Variants in ICOS observed in about 807,000 individuals in gnomAD.
ICOS encodes inducible T-cell costimulator.
A neutral mutation model predicts 24.6 loss-of-function variants in ICOS; 15 were observed. That is an observed-to-expected ratio of 0.61 (90% CI 0.41 to 0.94). ICOS has a LOEUF of 0.94. Ranked by LOEUF, ICOS falls within the 40% of genes least tolerant of loss-of-function variation. ICOS has a pLI of 0.00. For missense variants in ICOS, 200 were observed against 233.0 expected, an observed-to-expected ratio of 0.86 and a Z score of 0.92; for synonymous variants, 89 against 77.5, an observed-to-expected ratio of 1.15 and a Z score of -0.78.
chr2:203,945,155 G>A (rs919637480), intron 1 of ICOS, among the ~76,000 whole-genome samples: 3 of 152,104 alleles, frequency 2.0e-5, no homozygotes, highest in Non-Finnish European at 2.9e-5. Flanking sequence ...ACATAATTTT[G>A]GGAGCAGCAT....
At chr2:203,950,901 A>G (rs1689958774) in intron 1 of ICOS, among the ~76,000 whole-genome samples, 1 of 144,622 alleles carries the variant, frequency 6.9e-6, no homozygotes, top group Non-Finnish European at 1.5e-5. Context: ...CTCTACTAAA[A>G]ATACAAAAAT....
intron 1 of ICOS, among the ~76,000 whole-genome samples, chr2:203,940,700 A>G (rs985021508): frequency 2.0e-5 from 3 of 151,440 alleles, no homozygotes; most frequent in African/African-American, 7.3e-5. Context: ...CATAATCTTG[A>G]AAGCTATTTA....
intron 1 of ICOS, among the ~76,000 whole-genome samples, chr2:203,937,640 GA>G (rs1689681111): frequency 1.3e-5 from 2 of 151,968 alleles, no homozygotes; most frequent in Admixed American, 1.3e-4. Flanking sequence ...TTGAAAAAAG[GA>G]AAGTTAAGTA....
chr2:203,941,114 TA>T (rs1274819172), intron 1 of ICOS, among the ~76,000 whole-genome samples: 4 of 152,120 alleles, frequency 2.6e-5, no homozygotes, highest in Admixed American at 6.5e-5. Flanking sequence ...AATTTATTAT[TA>T]TTTTTTTTAA....
intron 1 of ICOS, among the ~76,000 whole-genome samples, chr2:203,951,948 C>T (rs766241310): frequency 2.0e-5 from 3 of 152,006 alleles, no homozygotes; most frequent in Non-Finnish European, 2.9e-5. Context: ...TTTTCTTTGC[C>T]TCTGGATAAT....
Position 203,959,669 on chromosome 2 carries a change from T to G in ICOS, c.*70T>G, listed in dbSNP as rs970446044. On this transcript the variant is annotated 3_prime_UTR_variant, in exon 5 of 5. Coordinates refer to ENST00000316386, the MANE Select transcript of ICOS (RefSeq NM_012092.4). ...CCTCAACTTGAAGTGCAAGATTCTC[T>G]TATTTCCGGGACCACGGAGAGTCTG... 2.5e-5 allele frequency: 36 copies of G among 1,429,874 alleles called. No individual in the cohort carries two copies. The highest frequency in any genetic ancestry group is 5.0e-5 in the Admixed American group (3 of 59,736). The allele number at this position is 1,429,874 out of a possible 1,614,324, so 88.6% of individuals were successfully genotyped here. A position where few individuals can be genotyped will look rare whatever the true frequency, so the allele number is the denominator to read the frequency against.
At chr2:203,958,742 G>T (rs540039922) in intron 4 of ICOS, among the ~76,000 whole-genome samples, 13 of 151,756 alleles carry the variant, frequency 8.6e-5, no homozygotes, top group East Asian at 1.9e-4. Flanking sequence ...GATGCTCAAA[G>T]TGTTCAGTGA....
intron 1 of ICOS, among the ~76,000 whole-genome samples, chr2:203,954,370 G>A (rs1385244346): frequency 1.3e-5 from 2 of 152,144 alleles, no homozygotes; most frequent in Non-Finnish European, 2.9e-5. Context: ...AGGATTGCTT[G>A]AGGCCAGGAG....
intron 1 of ICOS, among the ~76,000 whole-genome samples, chr2:203,951,141 G>A (rs530996963): frequency 9.9e-5 from 15 of 152,070 alleles, no homozygotes; most frequent in South Asian, 2.1e-4. Flanking sequence ...CTCTCAACAT[G>A]CCATTCAAGA....
At chr2:203,936,936 A>C in intron 1 of ICOS, 64 bp downstream of exon 1, 1 of 1,315,166 alleles carries the variant, frequency 7.6e-7, no homozygotes, top group Non-Finnish European at 1.1e-6. Flanking sequence ...GAAAAAGCAA[A>C]GGTAGAAAAA....
intron 1 of ICOS, among the ~76,000 whole-genome samples, chr2:203,950,077 T>C (rs1395352390): frequency 1.3e-5 from 2 of 152,276 alleles, no homozygotes; most frequent in African/African-American, 4.8e-5. Context: ...AATTTGTCAT[T>C]TGAGCATTGT....
intron 2 of ICOS, 38 bp from the exon 3 acceptor site, chr2:203,956,621 C>A: frequency 7.2e-7 from 1 of 1,386,760 alleles, no homozygotes; most frequent in Non-Finnish European, 1.0e-6. Context: ...TGTGGTTCAG[C>A]AGAATTTTTC....
In ICOS at chr2:203,936,765, T is replaced by G; in HGVS notation, c.-50T>G. The G allele has an allele frequency of 6.9e-7, 1 of 1,455,142 alleles. No individual in the cohort carries two copies. The highest frequency in any genetic ancestry group is 9.7e-7 in the Non-Finnish European group (1 of 1,035,274). The allele number at this position is 1,455,142 out of a possible 1,614,324, so 90.1% of individuals were successfully genotyped here. On this transcript the variant is annotated 5_prime_UTR_variant, in exon 1 of 5. Transcript: ENST00000316386. ...AAAACAACCGAGAGCCTGAATTCAC[T>G]GTCAGCTTTGAACACTGAACGCGAG...
chr2:203,949,660 A>G (rs765290740), intron 1 of ICOS, among the ~76,000 whole-genome samples: 2 of 152,226 alleles, frequency 1.3e-5, no homozygotes, highest in Non-Finnish European at 2.9e-5. Flanking sequence ...GATGTTTTGG[A>G]GAAGATTTTA....
rs1471619143 is a variant in ICOS, at chr2:203,960,277, T to C, written c.*678T>C. The C allele has an allele frequency of 1.9e-5, 3 of 157,202 alleles. No homozygotes were observed. Among genetic ancestry groups the C allele is most frequent in the Non-Finnish European group, 4.2e-5 (3 of 70,810 alleles). 9.7% of individuals were successfully genotyped at this position (157,202 alleles called of 1,614,324 possible). Reference sequence around the variant, plus strand: ...AACAGCCACTCTCAATAGAGAGCTATGTCTTACATTCTTTCCTCTGCTGCT... The same window carrying C: ...AACAGCCACTCTCAATAGAGAGCTACGTCTTACATTCTTTCCTCTGCTGCT... On this transcript the variant is annotated 3_prime_UTR_variant, in exon 5 of 5. Coordinates refer to ENST00000316386, the MANE Select transcript of ICOS (RefSeq NM_012092.4).
intron 1 of ICOS, among the ~76,000 whole-genome samples, chr2:203,954,442 A>G (rs1690040571): frequency 6.6e-6 from 1 of 152,020 alleles, no homozygotes; most frequent in Non-Finnish European, 1.5e-5. Flanking sequence ...TTTCAAAGTT[A>G]GCCAGATATG....
chr2:203,943,121 C>T (rs1020726504), intron 1 of ICOS, among the ~76,000 whole-genome samples: 5 of 152,176 alleles, frequency 3.3e-5, no homozygotes, highest in African/African-American at 1.2e-4. Flanking sequence ...CCCCGATTAG[C>T]TTAATAACTA....
intron 1 of ICOS, among the ~76,000 whole-genome samples, chr2:203,953,409 G>T (rs1334642700): frequency 2.0e-5 from 3 of 152,004 alleles, no homozygotes; most frequent in Admixed American, 2.0e-4. Flanking sequence ...CAACATTTTT[G>T]GTTGTTTTGG....
chr2:203,957,740 A>T, intron 3 of ICOS, 59 bp from the exon 4 acceptor site: 1 of 1,302,866 alleles, frequency 7.7e-7, no homozygotes, highest in Admixed American at 1.7e-5. Flanking sequence ...AAAACAGTCA[A>T]AAAACAAAGA....
Sources: allele counts gnomAD v4.1 joint callset (sites outside exome capture counted in the v4.1 genomes callset), GRCh38; gene constraint gnomAD v4.1.1; transcripts MANE v1.5; gene names NCBI Gene and HGNC (gene_info 2026-07-23, HGNC 2026-07-21).